The following DLGAP2 variants were observed in gnomAD, a reference collection of about 807,000 sequenced individuals.
The protein encoded by DLGAP2 is disks large-associated protein 2.
A neutral mutation model predicts 100.3 loss-of-function variants in DLGAP2; 26 were observed. The ratio of observed to expected loss-of-function variants is 0.26; its 90% CI spans 0.19 to 0.36. The LOEUF is 0.36. Among genes scored for constraint, DLGAP2 ranks in the 10% least tolerant of loss-of-function variants. DLGAP2 has a pLI of 1.00. For synonymous variants in DLGAP2, 886 were observed against 630.1 expected, an observed-to-expected ratio of 1.41 and a Z score of -6.08; for missense variants, 1,858 against 1,453.2, an observed-to-expected ratio of 1.28 and a Z score of -4.53.
chr8:956,356 G>C (rs937467005), intron 2 of DLGAP2, among the ~76,000 whole-genome samples: 1 of 152,190 alleles, frequency 6.6e-6, no homozygotes, highest in African/African-American at 2.4e-5. Context: ...AAAGCTCATG[G>C]TTATTTGGTG....
chr8:848,919 C>T (rs916695872), intron 1 of DLGAP2, among the ~76,000 whole-genome samples: 7 of 149,430 alleles, frequency 4.7e-5, no homozygotes, highest in Admixed American at 1.3e-4. Flanking sequence ...AGCATAGGAA[C>T]GCGCGGTGCC....
Position 1,305,381 on chromosome 8 carries a change from G to A in DLGAP2, c.106+46498G>A, listed in dbSNP as rs905537887. Among the ~76,000 whole-genome samples the A allele has an allele frequency of 1.1e-4, 17 of 152,236 alleles. No homozygotes were observed. The East Asian group carries it at 1.9e-3, about 17-fold the overall frequency. ...TTATTTTGTTTGGTTTAGATAATTCGTGTGTTTATTTTACATTTGGCTTAA... is the reference window on the plus strand; with the variant it reads ...TTATTTTGTTTGGTTTAGATAATTCATGTGTTTATTTTACATTTGGCTTAA... On this transcript the variant is annotated intron_variant, in intron 3 of 14. Coordinates refer to ENST00000637795, the MANE Select transcript of DLGAP2 (RefSeq NM_001346810.2).
intron 5 of DLGAP2, among the ~76,000 whole-genome samples, chr8:1,559,205 T>C (rs1802077206): frequency 6.6e-6 from 1 of 152,192 alleles, no homozygotes; most frequent in African/African-American, 2.4e-5. Context: ...TGATTGGCGT[T>C]AAATGCAGCA....
At chr8:795,689 A>G (rs72507621) in intron 1 of DLGAP2, among the ~76,000 whole-genome samples, 15 of 144,156 alleles carry the variant, frequency 1.0e-4, no homozygotes, top group African/African-American at 1.6e-4. Flanking sequence ...ACAGGCGTCC[A>G]GTGAGAGCAG....
At chr8:737,971 CG>C in intron 1 of DLGAP2, 146 bp downstream of exon 1, 2 of 334,908 alleles carry the variant, frequency 6.0e-6, no homozygotes. Context: ...TGCCGCCCGC[CG>C]GGGCCGGAGC....
At chr8:1,313,528 G>A (rs1373878363) in intron 3 of DLGAP2, among the ~76,000 whole-genome samples, 6 of 152,076 alleles carry the variant, frequency 3.9e-5, no homozygotes, top group Non-Finnish European at 8.8e-5. Flanking sequence ...AATCAAGAAT[G>A]GACAAACAGT....
chr8:1,617,971 A>G (rs1797211427), intron 6 of DLGAP2, among the ~76,000 whole-genome samples: 1 of 152,240 alleles, frequency 6.6e-6, no homozygotes, highest in African/African-American at 2.4e-5. Flanking sequence ...GTAAAAGGCT[A>G]CAGTTCTAAC....
At chr8:746,770 C>G (rs1315286360) in intron 1 of DLGAP2, among the ~76,000 whole-genome samples, 1 of 152,232 alleles carries the variant, frequency 6.6e-6, no homozygotes, top group Admixed American at 6.5e-5. Context: ...GTTCTTACCA[C>G]AAAGCACCAC....
intron 1 of DLGAP2, among the ~76,000 whole-genome samples, chr8:889,451 GC>G (rs1409651986): frequency 6.6e-6 from 1 of 152,178 alleles, no homozygotes; most frequent in Non-Finnish European, 1.5e-5. Flanking sequence ...AGGGGCTCAG[GC>G]CTAGGGAGTT....
intron 2 of DLGAP2, among the ~76,000 whole-genome samples, chr8:1,057,185 C>T (rs1802907143): frequency 1.3e-5 from 2 of 152,162 alleles, no homozygotes; most frequent in Non-Finnish European, 2.9e-5. Flanking sequence ...CACACAGTTC[C>T]CTTGAGATAT....
At chr8:1,283,883 C>G (rs1361859418) in intron 3 of DLGAP2, among the ~76,000 whole-genome samples, 1 of 152,184 alleles carries the variant, frequency 6.6e-6, no homozygotes, top group Admixed American at 6.5e-5. Flanking sequence ...ACACATAGCC[C>G]TTCAATGTGT....
intron 1 of DLGAP2, among the ~76,000 whole-genome samples, chr8:832,840 G>A (rs1292660389): frequency 6.6e-6 from 1 of 152,212 alleles, no homozygotes; most frequent in Admixed American, 6.5e-5. Flanking sequence ...CGAAGACACT[G>A]TGGGATCAAC....
chr8:1,555,660 C>G (rs564888259), intron 5 of DLGAP2, among the ~76,000 whole-genome samples: 3 of 152,360 alleles, frequency 2.0e-5, no homozygotes, highest in East Asian at 1.9e-4. Context: ...TCCATCACCC[C>G]CCAGTTGTCC....
At chr8:1,559,540 C>T (rs552748446) in intron 5 of DLGAP2, among the ~76,000 whole-genome samples, 7 of 152,122 alleles carry the variant, frequency 4.6e-5, no homozygotes, top group Admixed American at 1.3e-4. Flanking sequence ...TCAAAGCCTG[C>T]GAAATTGGCT....
At chr8:1,018,278 A>G (rs1801528862) in intron 2 of DLGAP2, among the ~76,000 whole-genome samples, 1 of 152,150 alleles carries the variant, frequency 6.6e-6, no homozygotes, top group South Asian at 2.1e-4. Flanking sequence ...CCTTCTTTGA[A>G]CATTGATTCC....
intron 3 of DLGAP2, among the ~76,000 whole-genome samples, chr8:1,427,142 T>C (rs1425944117): frequency 6.6e-6 from 1 of 152,164 alleles, no homozygotes; most frequent in Non-Finnish European, 1.5e-5. Context: ...AGGAGCATAA[T>C]AAGTATGAAC....
At chr8:966,096 G>A (rs923370548) in intron 2 of DLGAP2, among the ~76,000 whole-genome samples, 1 of 152,192 alleles carries the variant, frequency 6.6e-6, no homozygotes, top group Non-Finnish European at 1.5e-5. Context: ...CCCTGATGAG[G>A]TCAGTCACGC....
chr8:811,065 G>A (rs1050369290), intron 1 of DLGAP2, among the ~76,000 whole-genome samples: 7 of 152,200 alleles, frequency 4.6e-5, no homozygotes, highest in African/African-American at 1.7e-4. Flanking sequence ...TTTCTTGGTC[G>A]TGACCCTGAT....
At chr8:1,009,388 T>C (rs1323181058) in intron 2 of DLGAP2, among the ~76,000 whole-genome samples, 3 of 152,234 alleles carry the variant, frequency 2.0e-5, no homozygotes, top group Non-Finnish European at 4.4e-5. Context: ...AAGGAACACA[T>C]AATAGATTTT....
Sources: allele counts gnomAD v4.1 joint callset (sites outside exome capture counted in the v4.1 genomes callset), GRCh38; gene constraint gnomAD v4.1.1; transcripts MANE v1.5; gene names NCBI Gene and HGNC (gene_info 2026-07-23, HGNC 2026-07-21).